Variants in CLIP2 observed in about 807,000 individuals in gnomAD.
CLIP2 encodes CAP-Gly domain containing linker protein 2.
In CLIP2, 41 loss-of-function variants were observed where a neutral mutation model predicts 111.7. That is an observed-to-expected ratio of 0.37 (90% CI 0.29 to 0.48). The LOEUF is 0.48. Among genes scored for constraint, CLIP2 ranks in the 20% least tolerant of loss-of-function variants. The pLI is 0.99. For missense variants in CLIP2, 1,160 were observed against 1,422.1 expected (o/e 0.82, Z 2.96); for synonymous variants, 660 against 644.2 (o/e 1.02, Z -0.37).
chr7:74,375,759 A>G, intron 9 of CLIP2, 128 bp from the exon 10 acceptor site: 4 of 736,188 alleles, frequency 5.4e-6, no homozygotes, highest in South Asian at 4.0e-5. Flanking sequence ...TTCCCTTCCC[A>G]TGACCTCCAC....
chr7:74,360,469 GTCT>G (rs1790296765), intron 7 of CLIP2, among the ~76,000 whole-genome samples, 191 bp downstream of exon 7: 1 of 152,174 alleles, frequency 6.6e-6, no homozygotes, highest in African/African-American at 2.4e-5. Flanking sequence ...TGTTGGTCCT[GTCT>G]TCTGCAGGCA....
At chr7:74,401,884 G>T (rs1791630105) in intron 16 of CLIP2, among the ~76,000 whole-genome samples, 1 of 152,032 alleles carries the variant, frequency 6.6e-6, no homozygotes, top group Non-Finnish European at 1.5e-5. Context: ...TGGCCAATAT[G>T]GTAAAACTCC....
At chr7:74,351,804 C>G (rs548440519) in intron 3 of CLIP2, among the ~76,000 whole-genome samples, 1 of 152,202 alleles carries the variant, frequency 6.6e-6, no homozygotes, top group East Asian at 1.9e-4. Flanking sequence ...TCATTGCACT[C>G]CAGCCTGGGC....
Position 74,314,137 on chromosome 7 carries a change from G to A in CLIP2, c.-67-3343G>A, listed in dbSNP as rs150485145. On this transcript the variant is annotated intron_variant, in intron 1 of 16. Coordinates refer to ENST00000223398, the MANE Select transcript of CLIP2 (RefSeq NM_003388.5). ...ATGGAGGTTGCAGTGATCCAAGATC[G>A]TGCCACTGCACTCCAGCCTGGGTGT... Among the ~76,000 whole-genome samples, 210 of 145,516 alleles carry A rather than the reference G, an allele frequency of 1.4e-3. 2 individuals carry two copies. The highest frequency in any genetic ancestry group is 5.0e-3 in the African/African-American group (201 of 39,804).
chr7:74,316,245 T>C (rs1584319331), intron 1 of CLIP2, among the ~76,000 whole-genome samples: 1 of 152,008 alleles, frequency 6.6e-6, no homozygotes, highest in South Asian at 2.1e-4. Context: ...TTTTTGTTTT[T>C]GTTTTTGTTT....
chr7:74,373,833 T>A (rs1434183382), intron 9 of CLIP2, among the ~76,000 whole-genome samples: 1 of 151,706 alleles, frequency 6.6e-6, no homozygotes, highest in Non-Finnish European at 1.5e-5. Context: ...GCCTGAAACA[T>A]GGGTGCAGGA....
intron 6 of CLIP2, 124 bp from the exon 7 acceptor site, chr7:74,360,051 G>A (rs1326114817): frequency 2.8e-6 from 2 of 708,692 alleles, no homozygotes; most frequent in African/African-American, 1.8e-5. Flanking sequence ...GCAGGTGCCA[G>A]CAGGGAAGTT....
intron 1 of CLIP2, among the ~76,000 whole-genome samples, chr7:74,302,513 G>A (rs1228990595): frequency 6.6e-6 from 1 of 152,100 alleles, no homozygotes; most frequent in East Asian, 1.9e-4. Flanking sequence ...TAAAACTGAG[G>A]AACCACAGCC....
At chr7:74,292,638 T>C (rs956175307) in intron 1 of CLIP2, among the ~76,000 whole-genome samples, 19 of 152,282 alleles carry the variant, frequency 1.2e-4, no homozygotes, top group African/African-American at 4.3e-4. Context: ...TCCGCCCACC[T>C]TGACCTCCCA....
At chr7:74,359,384 C>G (rs555488033) in intron 6 of CLIP2, among the ~76,000 whole-genome samples, 1 of 140,672 alleles carries the variant, frequency 7.1e-6, no homozygotes, top group African/African-American at 2.7e-5. Context: ...GGCAGAGTCT[C>G]GCTCTGTCGC....
intron 10 of CLIP2, among the ~76,000 whole-genome samples, chr7:74,379,786 C>A (rs561285074): frequency 1.5e-4 from 23 of 150,948 alleles, no homozygotes; most frequent in Admixed American, 8.0e-4. Flanking sequence ...AATAAAAAAA[C>A]CCCAAAATTA....
At chr7:74,324,968 T>C (rs1022171382) in intron 2 of CLIP2, among the ~76,000 whole-genome samples, 1 of 152,012 alleles carries the variant, frequency 6.6e-6, no homozygotes, top group East Asian at 1.9e-4. Context: ...GGCGGCCACA[T>C]CCATCAGAGG....
At chr7:74,390,511 A>G (rs1285732979) in intron 13 of CLIP2, among the ~76,000 whole-genome samples, 1 of 151,640 alleles carries the variant, frequency 6.6e-6, no homozygotes, top group African/African-American at 2.4e-5. Context: ...TCTACCAAAA[A>G]CACAAAATTT....
chr7:74,342,805 T>A (rs1300518004), intron 3 of CLIP2, among the ~76,000 whole-genome samples: 1 of 152,042 alleles, frequency 6.6e-6, no homozygotes, highest in African/African-American at 2.4e-5. Flanking sequence ...CCCGGCACTT[T>A]GAGAGGCTGA....
intron 1 of CLIP2, among the ~76,000 whole-genome samples, chr7:74,302,863 A>T (rs1352790944): frequency 2.0e-5 from 3 of 152,138 alleles, no homozygotes; most frequent in African/African-American, 7.2e-5. Flanking sequence ...CACTATCTGG[A>T]TGGCCGCCAG....
chr7:74,388,973 C>A (rs7790414), intron 12 of CLIP2, 130 bp from the exon 13 acceptor site: 1 of 1,125,098 alleles, frequency 8.9e-7, no homozygotes, highest in Admixed American at 2.5e-5. Context: ...ACCGTCAAAA[C>A]TATGCAGTGG....
chr7:74,307,327 G>A (rs147202862), intron 1 of CLIP2, among the ~76,000 whole-genome samples: 3 of 152,144 alleles, frequency 2.0e-5, no homozygotes, highest in East Asian at 1.9e-4. Context: ...GGCCAGACCC[G>A]GGTCTGATTC....
Position 74,372,996 on chromosome 7 carries a change from C to G in CLIP2, c.1445C>G (p.Ala482Gly). ...ELEQSLLLEK[A>G]QAERLLRELA... Reference sequence around the variant, plus strand: ...GAACAGAGCCTGCTACTGGAGAAGGCGCAGGCCGAGCGGCTGCTCCGAGAA... The same window carrying G: ...GAACAGAGCCTGCTACTGGAGAAGGGGCAGGCCGAGCGGCTGCTCCGAGAA... The change falls in exon 9 of 17, where the codon GCG (alanine) becomes GGG (glycine). Residue 482 changes from alanine to glycine, a missense_variant. Coordinates refer to ENST00000223398, the MANE Select transcript of CLIP2 (RefSeq NM_003388.5). 1 of 1,595,552 alleles carries G rather than the reference C, an allele frequency of 6.3e-7. No individual in the cohort carries two copies. The highest frequency in any genetic ancestry group is 8.5e-7 in the Non-Finnish European group (1 of 1,173,544).
At chr7:74,311,931 A>G (rs1159642982) in intron 1 of CLIP2, among the ~76,000 whole-genome samples, 2 of 137,554 alleles carry the variant, frequency 1.5e-5, no homozygotes, top group Non-Finnish European at 3.2e-5. Context: ...AAAAAAAAAA[A>G]AGAAAGAAAG....
Sources: allele counts gnomAD v4.1 joint callset (sites outside exome capture counted in the v4.1 genomes callset), GRCh38; gene constraint gnomAD v4.1.1; transcripts MANE v1.5; gene names NCBI Gene and HGNC (gene_info 2026-07-23, HGNC 2026-07-21).